The following DNHD1 variants were observed in gnomAD, a reference collection of about 807,000 sequenced individuals.
DNHD1 encodes dynein heavy chain domain-containing protein 1.
In DNHD1, 383 loss-of-function variants were observed where a neutral mutation model predicts 458.1. That is an observed-to-expected ratio of 0.84 (90% confidence interval 0.77 to 0.91). DNHD1 has a LOEUF of 0.91. Ranked by LOEUF, DNHD1 falls within the 40% of genes least tolerant of loss-of-function variation. DNHD1 has a pLI of 0.00. For missense variants in DNHD1, 5,336 were observed against 5,866.1 expected, an observed-to-expected ratio of 0.91 and a Z score of 2.95; for synonymous variants, 2,203 against 2,376.9, an observed-to-expected ratio of 0.93 and a Z score of 2.13.
Position 6,538,333 on chromosome 11 carries a change from C to G in DNHD1, c.2999-50C>G, listed in dbSNP as rs576987909. 21 of 1,542,922 alleles carry G rather than the reference C, an allele frequency of 1.4e-5. No individual in the cohort carries two copies. In the Admixed American group the frequency reaches 2.4e-4, roughly 17 times the overall value. ...TCTTGACTGATCATTCCACCACCCCCCTCCCAACACTGCAAGTAGCCCAGG... is the reference window on the plus strand; with the variant it reads ...TCTTGACTGATCATTCCACCACCCCGCTCCCAACACTGCAAGTAGCCCAGG... On this transcript the variant is annotated intron_variant, in intron 14 of 42. Coordinates refer to ENST00000254579, the MANE Select transcript of DNHD1 (RefSeq NM_144666.3).
Position 6,498,219 on chromosome 11 carries a change from G to C in DNHD1, c.4G>C (p.Val2Leu), listed in dbSNP as rs1395960041. The part of the protein sequence containing the change: M[V>L]PEERRVGLSS... ...GCAGTTGAATGCCCAGCTCCTCATG[G>C]TCCCGGAGGAGAGGAGGGTAGGTTT... Residue 2 changes from valine to leucine, a missense_variant, in exon 3 of 43, where the codon GTC (valine) becomes CTC (leucine). Val to Leu is a conservative substitution (Grantham distance 32, BLOSUM62 1). Coordinates refer to ENST00000254579, the MANE Select transcript of DNHD1 (RefSeq NM_144666.3). The C allele has an allele frequency of 6.2e-7, 1 of 1,610,230 alleles. No homozygotes were observed. The highest frequency in any genetic ancestry group is 1.7e-5 in the Admixed American group (1 of 59,902).
chr11:6,526,363 A>T (rs1852711790), intron 10 of DNHD1, among the ~76,000 whole-genome samples: 2 of 151,176 alleles, frequency 1.3e-5, no homozygotes, highest in South Asian at 2.1e-4. Context: ...ATTGTCTTTT[A>T]GCTTGTTTTG....
rs759942444 is a variant in DNHD1, at chr11:6,563,766, C to T, written c.9926C>T (p.Pro3309Leu). 10 of 1,551,560 alleles carry T rather than the reference C, an allele frequency of 6.4e-6. No homozygotes were observed. The highest frequency in any genetic ancestry group is 7.8e-6 in the Non-Finnish European group (9 of 1,146,958). The stretch of plus-strand genomic sequence containing the variant: ...AAGTTACATCTAATTCTGAAGGCTC[C>T]AGGTATGGACGATGCAGCCCTGCGG... ...LIKLHLILKA[P>L]GMDDAALRAV... Residue 3309 changes from proline to leucine, a missense_variant, in exon 31 of 43, where the codon CCA (proline) becomes CTA (leucine). Pro to Leu is a moderately conservative substitution (Grantham distance 98). Coordinates refer to ENST00000254579, the MANE Select transcript of DNHD1 (RefSeq NM_144666.3).
At chr11:6,536,404 G>T (rs1852949974) in intron 14 of DNHD1, among the ~76,000 whole-genome samples, 1 of 152,116 alleles carries the variant, frequency 6.6e-6, no homozygotes, top group East Asian at 1.9e-4. Context: ...TTATATAAAA[G>T]AATATCCCTA....
At chr11:6,534,224 A>T (rs1262176393) in intron 14 of DNHD1, 51 bp downstream of exon 14, 17 of 1,513,920 alleles carry the variant, frequency 1.1e-5, no homozygotes, top group Non-Finnish European at 1.4e-5. Flanking sequence ...AGACCCTTCA[A>T]CTGAAGTAAG....
At position 6,546,302 on chromosome 11, in the gene DNHD1, G is replaced by A. The variant is rs1853216528; in HGVS notation, c.5363G>A (p.Ser1788Asn). 6.4e-7 allele frequency: 1 copy of A among 1,552,292 alleles called. No individual in the cohort carries two copies. The highest frequency in any genetic ancestry group is 1.4e-5 in the African/African-American group (1 of 73,066). ...DPTQPQLLGSSFFEKHHVSVR... is the reference protein window; with the variant it reads ...DPTQPQLLGSNFFEKHHVSVR... ...ACCCAGCCCCAGCTCCTTGGCAGTA[G>A]CTTCTTTGAAAAACATCACGTGTCT... Residue 1788 changes from serine (S) to asparagine (N), a missense_variant, in exon 21 of 43, where the codon AGC becomes AAC. By Grantham distance (46) the Ser-to-Asn change is conservative. Coordinates refer to ENST00000254579, the MANE Select transcript of DNHD1 (RefSeq NM_144666.3).
intron 12 of DNHD1, among the ~76,000 whole-genome samples, chr11:6,532,334 T>C (rs1589877950): frequency 6.6e-6 from 1 of 152,214 alleles, no homozygotes; most frequent in East Asian, 1.9e-4. Context: ...ATATGGGTGT[T>C]ATCCCTGCCC....
chr11:6,563,640 C>G (rs778092589), intron 30 of DNHD1, 53 bp from the exon 31 acceptor site: 271 of 1,544,894 alleles, frequency 1.8e-4, no homozygotes, highest in Non-Finnish European at 2.3e-4. Context: ...ACTGTTGGGT[C>G]AAGGTCCAGA....
intron 7 of DNHD1, among the ~76,000 whole-genome samples, chr11:6,512,322 G>A (rs374410270): frequency 3.9e-4 from 54 of 137,836 alleles, no homozygotes; most frequent in African/African-American, 1.3e-3. Context: ...CCGGGTTCAC[G>A]CCATTCTCCT....
intron 34 of DNHD1, 50 bp from the exon 35 acceptor site, chr11:6,566,537 C>G (rs374262749): frequency 4.1e-5 from 65 of 1,600,598 alleles, no homozygotes; most frequent in Non-Finnish European, 4.9e-5. Context: ...TACTCTACCC[C>G]CTGGCTCTGC....
intron 20 of DNHD1, 26 bp from the exon 21 acceptor site, chr11:6,544,766 C>T: frequency 6.5e-7 from 1 of 1,544,918 alleles, no homozygotes; most frequent in Non-Finnish European, 8.8e-7. Flanking sequence ...TATTGGCCCT[C>T]ACTTTTATCC....
intron 4 of DNHD1, among the ~76,000 whole-genome samples, chr11:6,504,474 A>G (rs1852191826): frequency 6.6e-6 from 1 of 152,116 alleles, no homozygotes; most frequent in Non-Finnish European, 1.5e-5. Context: ...TTTGAGACAG[A>G]GTTTCACTCT....
Position 6,568,686 on chromosome 11 carries a change from T to C in DNHD1, c.12683T>C (p.Met4228Thr), listed in dbSNP as rs1853766003. 1 of 1,613,906 alleles carries C rather than the reference T, an allele frequency of 6.2e-7. No individual in the cohort carries two copies. The highest frequency in any genetic ancestry group is 8.5e-7 in the Non-Finnish European group (1 of 1,179,804). ...SLPAVLTQHS[M>T]PVFWNQSLEL... Reference sequence around the variant, plus strand: ...CCAGCTGTGCTGACTCAGCACTCCATGCCTGTTTTCTGGAACCAGTCCCTG... The same window carrying C: ...CCAGCTGTGCTGACTCAGCACTCCACGCCTGTTTTCTGGAACCAGTCCCTG... The change falls in exon 39 of 43, where the codon ATG (methionine) becomes ACG (threonine). Residue 4228 changes from methionine (M) to threonine (T), a missense_variant. By Grantham distance (81) the Met-to-Thr change is moderately conservative. Around this residue, in one of 4 missense-constraint regions of DNHD1, gnomAD observed 695 missense variants for 804.2 expected, o/e 0.86. Coordinates refer to ENST00000254579, the MANE Select transcript of DNHD1 (RefSeq NM_144666.3).
Position 6,570,332 on chromosome 11 carries a change from T to C in DNHD1, c.13041T>C (p.Ser4347=), listed in dbSNP as rs1447865709. 3 of 1,612,720 alleles carry C rather than the reference T, an allele frequency of 1.9e-6. No homozygotes were observed. Among genetic ancestry groups the C allele is most frequent in the African/African-American group, 1.3e-5 (1 of 74,840 alleles). ...TCACACAAGCCTGCCTGAGCCCCAG[T>C]AGTGGGAGCTGGGTCCAGCCACACA... ...ISLTQACLSP[S]SGSWVQPHTP... is the part of the protein sequence containing the mutation. The change falls in exon 41 of 43, where the codon AGT becomes AGC. Residue 4347 remains serine (S), a synonymous_variant. Transcript: ENST00000254579.
At chr11:6,544,357 G>A in intron 19 of DNHD1, 111 bp downstream of exon 19, 1 of 1,287,884 alleles carries the variant, frequency 7.8e-7, no homozygotes, top group Non-Finnish European at 1.1e-6. Flanking sequence ...AGAACACAGT[G>A]AGGACCTCCT....
rs897675186 is a variant in DNHD1, at chr11:6,520,226, C to T, written c.1786-12C>T. 6.4e-6 allele frequency: 10 copies of T among 1,560,764 alleles called. No homozygotes were observed. The highest frequency in any genetic ancestry group is 5.8e-5 in the Admixed American group (3 of 51,576). ...TCCCATTTCTGCCCCTTCTCCATAT[C>T]CTGGCATGAAGGTAGTGCAGTCTGC... On this transcript the variant is annotated splice_polypyrimidine_tract_variant and intron_variant, in intron 9 of 42. Coordinates refer to ENST00000254579, the MANE Select transcript of DNHD1 (RefSeq NM_144666.3).
At chr11:6,513,750 T>C (rs2134383760) in intron 7 of DNHD1, among the ~76,000 whole-genome samples, 1 of 152,344 alleles carries the variant, frequency 6.6e-6, no homozygotes, top group East Asian at 1.9e-4. Flanking sequence ...ACTGCTAGAA[T>C]AGAATATATG....
Position 6,511,288 on chromosome 11 carries a change from A to G in DNHD1, c.1251A>G (p.Leu417=). Residue 417 remains leucine, a synonymous_variant, in exon 7 of 43, where the codon CTA becomes CTG. Transcript: ENST00000254579. ...LLHISRLLQE[L]HSVSWLPQEL... ...TTGATTCTAGGCTTCTGCAGGAGCT[A>G]CACTCTGTGTCCTGGCTACCCCAGG... 1 of 1,614,198 alleles carries G rather than the reference A, an allele frequency of 6.2e-7. No homozygotes were observed. Among genetic ancestry groups the G allele is most frequent in the Non-Finnish European group, 8.5e-7 (1 of 1,180,028 alleles).
Position 6,528,781 on chromosome 11 carries a change from G to A in DNHD1, c.2097G>A (p.Leu699=), listed in dbSNP as rs1164757327. 1 of 1,551,554 alleles carries A rather than the reference G, an allele frequency of 6.4e-7. No homozygotes were observed. Among genetic ancestry groups the A allele is most frequent in the Non-Finnish European group, 8.7e-7 (1 of 1,146,876 alleles). ...IQQALNIQQV[L]LEGVLCKVQE... Reference sequence around the variant, plus strand: ...AGGCACTGAATATACAACAGGTGCTGCTGGAGGTGAGAACAGTGGTTTAAG... The same window carrying A: ...AGGCACTGAATATACAACAGGTGCTACTGGAGGTGAGAACAGTGGTTTAAG... Residue 699 remains leucine (L), a synonymous_variant, in exon 11 of 43, where the codon CTG becomes CTA. Coordinates refer to ENST00000254579, the MANE Select transcript of DNHD1 (RefSeq NM_144666.3).
Sources: allele counts gnomAD v4.1 joint callset (sites outside exome capture counted in the v4.1 genomes callset), GRCh38; gene constraint gnomAD v4.1.1; regional missense constraint gnomAD v4.1.1; transcripts MANE v1.5; gene names NCBI Gene and HGNC (gene_info 2026-07-23, HGNC 2026-07-21).